Variants in ASAP1 observed in about 807,000 individuals in gnomAD.
The protein encoded by ASAP1 is arf-GAP with SH3 domain, ANK repeat and PH domain-containing protein 1.
Under a neutral mutation model 145.2 loss-of-function variants are expected in ASAP1, and 43 were observed. The ratio of observed to expected loss-of-function variants is 0.30; its 90% confidence interval spans 0.23 to 0.38. ASAP1 has a LOEUF of 0.38. Ranked by LOEUF, ASAP1 falls within the 10% of genes least tolerant of loss-of-function variation. The pLI is 1.00. For synonymous variants in ASAP1, 546 were observed against 515.5 expected, an observed-to-expected ratio of 1.06 and a Z score of -0.80; for missense variants, 1,018 against 1,355.3, an observed-to-expected ratio of 0.75 and a Z score of 3.91.
chr8:130,110,546 ATG>A (rs1212965885), intron 24 of ASAP1, among the ~76,000 whole-genome samples: 1 of 152,232 alleles, frequency 6.6e-6, no homozygotes, highest in Non-Finnish European at 1.5e-5. Context: ...GCAGCTTGAT[ATG>A]TGAGTGATTT....
At chr8:130,250,767 A>T (rs974523588) in intron 3 of ASAP1, among the ~76,000 whole-genome samples, 10 of 152,222 alleles carry the variant, frequency 6.6e-5, no homozygotes, top group Admixed American at 1.3e-4. Flanking sequence ...AGTTAAAAAA[A>T]AATCCAAATG....
chr8:130,152,939 C>T, intron 12 of ASAP1, 134 bp from the exon 13 acceptor site: 2 of 594,884 alleles, frequency 3.4e-6, no homozygotes, highest in Admixed American at 6.5e-5. Context: ...CCAAAAAAAT[C>T]CTGGTTGCCT....
intron 5 of ASAP1, among the ~76,000 whole-genome samples, chr8:130,206,712 AT>A (rs1466249373): frequency 6.6e-6 from 1 of 151,966 alleles, no homozygotes; most frequent in African/African-American, 2.4e-5. Flanking sequence ...TATTTAAAAA[AT>A]AATTTATATA....
intron 15 of ASAP1, 97 bp downstream of exon 15, chr8:130,134,199 G>A: frequency 1.1e-6 from 1 of 938,582 alleles, no homozygotes; most frequent in Non-Finnish European, 1.6e-6. Context: ...CACCAGGCGA[G>A]GTTCTTACAA....
In ASAP1 at chr8:130,250,977, A is replaced by G. The variant is rs2136856154; in HGVS notation, c.187-13983T>C. Among the ~76,000 whole-genome samples, 3 of 152,336 alleles carry G rather than the reference A, an allele frequency of 2.0e-5. No homozygotes were observed. In the South Asian group the frequency reaches 6.2e-4, roughly 32 times the overall value. On this transcript the variant is annotated intron_variant, in intron 3 of 29. Coordinates refer to ENST00000518721, the MANE Select transcript of ASAP1 (RefSeq NM_018482.4). ...TCAAAGACTGGAATGTTTTAAAGAA[A>G]CATGTTTAACTCTATACTCCAACAA...
rs180857615 is a variant in ASAP1, at chr8:130,104,067, T to G, written c.2401+8027A>C. Among the ~76,000 whole-genome samples, 458 of 152,296 alleles carry G rather than the reference T, an allele frequency of 3.0e-3. 1 individual carries two copies. Among genetic ancestry groups the G allele is most frequent in the African/African-American group, 0.011 (443 of 41,550 alleles). On this transcript the variant is annotated intron_variant, in intron 24 of 29. Coordinates refer to ENST00000518721, the MANE Select transcript of ASAP1 (RefSeq NM_018482.4). Reference sequence around the variant, plus strand: ...AATTTCTCTTCCTTTCCAGACTGTGTGCATCCATAGGGCATGATCTGTACT... The same window carrying G: ...AATTTCTCTTCCTTTCCAGACTGTGGGCATCCATAGGGCATGATCTGTACT...
At chr8:130,401,827 A>T in intron 2 of ASAP1, 58 bp downstream of exon 2, 2 of 1,533,210 alleles carry the variant, frequency 1.3e-6, no homozygotes, top group South Asian at 2.3e-5. Flanking sequence ...CCCAAGAAGA[A>T]TCCCGCTGTA....
At chr8:130,355,245 A>G (rs1175121349) in intron 3 of ASAP1, among the ~76,000 whole-genome samples, 1 of 152,216 alleles carries the variant, frequency 6.6e-6, no homozygotes, top group Non-Finnish European at 1.5e-5. Context: ...AAAAGCATCA[A>G]CATCTGCACA....
At chr8:130,344,918 T>A (rs1044249731) in intron 3 of ASAP1, among the ~76,000 whole-genome samples, 1 of 152,180 alleles carries the variant, frequency 6.6e-6, no homozygotes, top group Non-Finnish European at 1.5e-5. Flanking sequence ...AAAACCCGTA[T>A]GTTTTAGTCC....
chr8:130,193,070 A>T (rs1274369016), intron 5 of ASAP1, among the ~76,000 whole-genome samples: 1 of 152,194 alleles, frequency 6.6e-6, no homozygotes. Context: ...GGTATGCAAG[A>T]ATTTGCATAA....
chr8:130,126,393 G>C (rs998657601), intron 16 of ASAP1, among the ~76,000 whole-genome samples: 5 of 152,156 alleles, frequency 3.3e-5, no homozygotes, highest in Non-Finnish European at 5.9e-5. Context: ...TATCACCTCT[G>C]ACAGTGATGG....
At chr8:130,123,878 T>C (rs2097570565) in intron 18 of ASAP1, 135 bp downstream of exon 18, 1 of 617,002 alleles carries the variant, frequency 1.6e-6, no homozygotes. Flanking sequence ...TCCGTTTGCC[T>C]CAGCCTCCCA....
At chr8:130,121,434 G>T (rs546837146) in intron 18 of ASAP1, among the ~76,000 whole-genome samples, 1 of 152,186 alleles carries the variant, frequency 6.6e-6, no homozygotes, top group African/African-American at 2.4e-5. Context: ...TCCAGACATT[G>T]CCAAGTATCC....
intron 24 of ASAP1, among the ~76,000 whole-genome samples, chr8:130,111,440 T>C (rs2097546687): frequency 1.3e-5 from 2 of 152,316 alleles, no homozygotes; most frequent in South Asian, 4.1e-4. Context: ...ACACAGAACC[T>C]GGGTTAGAAT....
intron 1 of ASAP1, among the ~76,000 whole-genome samples, chr8:130,402,589 A>G (rs1828845086): frequency 6.6e-6 from 1 of 152,170 alleles, no homozygotes; most frequent in Non-Finnish European, 1.5e-5. Context: ...TGGGGATATA[A>G]AAATAAATTG....
intron 2 of ASAP1, among the ~76,000 whole-genome samples, chr8:130,376,683 G>A (rs1164566025): frequency 2.0e-5 from 3 of 151,912 alleles, no homozygotes; most frequent in Admixed American, 6.6e-5. Flanking sequence ...CCAAGATTGC[G>A]CCACAGCACT....
intron 1 of ASAP1, among the ~76,000 whole-genome samples, chr8:130,425,161 A>G (rs1402750365): frequency 4.0e-5 from 6 of 151,446 alleles, no homozygotes; most frequent in Admixed American, 3.3e-4. Context: ...GCCAAATCCC[A>G]TCTCTACTAA....
intron 7 of ASAP1, among the ~76,000 whole-genome samples, chr8:130,185,805 G>A (rs2136207767): frequency 1.3e-5 from 2 of 150,626 alleles, no homozygotes; most frequent in Middle Eastern, 3.4e-3. Context: ...TGAGTGAGAA[G>A]TACAAGGAAG....
intron 3 of ASAP1, among the ~76,000 whole-genome samples, chr8:130,247,954 A>C (rs769029492): frequency 6.6e-6 from 1 of 152,116 alleles, no homozygotes; most frequent in Non-Finnish European, 1.5e-5. Flanking sequence ...ACCAACCACA[A>C]CACCACGTGG....
Sources: allele counts gnomAD v4.1 joint callset (sites outside exome capture counted in the v4.1 genomes callset), GRCh38; gene constraint gnomAD v4.1.1; transcripts MANE v1.5; gene names NCBI Gene and HGNC (gene_info 2026-07-23, HGNC 2026-07-21).